The following PBX3 variants were observed in gnomAD, a reference collection of about 807,000 sequenced individuals.
PBX3 encodes PBX homeobox 3.
PBX3 carries 14 observed loss-of-function variants against 48.5 expected under a neutral mutation model. That is an observed-to-expected ratio of 0.29 (90% CI 0.19 to 0.45). The LOEUF (loss-of-function observed/expected upper bound fraction) is 0.45. PBX3 is among the 20% of genes least tolerant of loss of function. The probability of loss-of-function intolerance (pLI) is 1.00; values close to 1 mark genes in which losing one functional copy is unlikely to be tolerated. For missense variants in PBX3, 386 were observed against 546.7 expected (o/e 0.71, Z 2.93); for synonymous variants, 210 against 200.3 (o/e 1.05, Z -0.41).
chr9:125,840,660 G>T (rs1368027070), intron 2 of PBX3, among the ~76,000 whole-genome samples: 2 of 151,616 alleles, frequency 1.3e-5, no homozygotes, highest in Non-Finnish European at 1.5e-5. Flanking sequence ...TCTATATCAA[G>T]AAAATTTTTA....
intron 2 of PBX3, among the ~76,000 whole-genome samples, chr9:125,902,268 T>A (rs1245278673): frequency 6.6e-6 from 1 of 151,708 alleles, no homozygotes; most frequent in African/African-American, 2.4e-5. Context: ...AAATGTATGA[T>A]TAGAGCATTG....
intron 2 of PBX3, among the ~76,000 whole-genome samples, chr9:125,836,940 A>T (rs1308316026): frequency 6.6e-6 from 1 of 152,220 alleles, no homozygotes; most frequent in African/African-American, 2.4e-5. Flanking sequence ...GGGAACATAA[A>T]TTGGTACAAC....
chr9:125,885,705 T>C (rs1375693104), intron 2 of PBX3, among the ~76,000 whole-genome samples: 2 of 152,070 alleles, frequency 1.3e-5, no homozygotes, highest in Non-Finnish European at 1.5e-5. Flanking sequence ...TTTAGGATAA[T>C]GAGGATTTAT....
intron 5 of PBX3, among the ~76,000 whole-genome samples, chr9:125,956,356 G>C (rs1027016112): frequency 6.6e-6 from 1 of 152,204 alleles, no homozygotes; most frequent in African/African-American, 2.4e-5. Flanking sequence ...AGATTCTAAG[G>C]AGATAATGAG....
chr9:125,917,907 C>T (rs539035359), intron 3 of PBX3, among the ~76,000 whole-genome samples: 17 of 152,096 alleles, frequency 1.1e-4, no homozygotes, highest in African/African-American at 4.1e-4. Context: ...GAAAAATTAT[C>T]GTGTGTATGT....
intron 2 of PBX3, among the ~76,000 whole-genome samples, chr9:125,790,676 C>G (rs972900742): frequency 2.6e-5 from 4 of 152,090 alleles, no homozygotes; most frequent in Non-Finnish European, 5.9e-5. Flanking sequence ...TCCAGTGATT[C>G]TTTTGCTTCA....
At chr9:125,809,172 A>C (rs919992349) in intron 2 of PBX3, among the ~76,000 whole-genome samples, 2 of 152,252 alleles carry the variant, frequency 1.3e-5, no homozygotes, top group African/African-American at 2.4e-5. Context: ...ATTTTGTTCA[A>C]CTTCAGCTGG....
intron 2 of PBX3, among the ~76,000 whole-genome samples, chr9:125,894,168 T>A (rs901349278): frequency 7.9e-5 from 12 of 152,188 alleles, no homozygotes; most frequent in African/African-American, 2.9e-4. Context: ...CCCTGCATGA[T>A]TGGATATCCT....
At chr9:125,830,119 T>C (rs546150434) in intron 2 of PBX3, among the ~76,000 whole-genome samples, 1 of 152,228 alleles carries the variant, frequency 6.6e-6, no homozygotes, top group Non-Finnish European at 1.5e-5. Context: ...GAGTTCAGTA[T>C]AATTTTTTAT....
Position 125,962,139 on chromosome 9 carries a change from C to T in PBX3, c.1047C>T (p.Asp349=). ...SGSFNLPNSG[D]MFMNMQSLNG... Reference sequence around the variant, plus strand: ...CTTTTAACCTCCCAAATTCTGGGGACATGTTCATGAACATGCAGAGTCTGA... The same window carrying T: ...CTTTTAACCTCCCAAATTCTGGGGATATGTTCATGAACATGCAGAGTCTGA... Residue 349 remains aspartate, a synonymous_variant, in exon 7 of 9, where the codon GAC becomes GAT. Transcript: ENST00000373489. 6.2e-7 allele frequency: 1 copy of T among 1,612,544 alleles called. No homozygotes were observed. Among genetic ancestry groups the T allele is most frequent in the Non-Finnish European group, 8.5e-7 (1 of 1,178,686 alleles).
chr9:125,961,335 G>C (rs1842426537), intron 6 of PBX3, among the ~76,000 whole-genome samples: 1 of 152,228 alleles, frequency 6.6e-6, no homozygotes, highest in Non-Finnish European at 1.5e-5. Flanking sequence ...CTGACGGCAT[G>C]CTCAGCAGGT....
At chr9:125,756,683 G>T (rs1184363769) in intron 2 of PBX3, among the ~76,000 whole-genome samples, 1 of 152,174 alleles carries the variant, frequency 6.6e-6, no homozygotes, top group Non-Finnish European at 1.5e-5. Context: ...ATACTACCAA[G>T]GCAGGCATCT....
chr9:125,886,543 C>T (rs951997022), intron 2 of PBX3, among the ~76,000 whole-genome samples: 5 of 152,050 alleles, frequency 3.3e-5, no homozygotes, highest in African/African-American at 4.8e-5. Context: ...GGGAATTCAA[C>T]GGGTAAATTA....
At chr9:125,937,344 A>G (rs764471480) in intron 5 of PBX3, among the ~76,000 whole-genome samples, 18 of 152,118 alleles carry the variant, frequency 1.2e-4, no homozygotes, top group Non-Finnish European at 2.6e-4. Context: ...GAACCCACTT[A>G]CCAGTGTGTT....
chr9:125,821,981 T>C (rs1236591749), intron 2 of PBX3, among the ~76,000 whole-genome samples: 1 of 151,966 alleles, frequency 6.6e-6, no homozygotes, highest in Non-Finnish European at 1.5e-5. Context: ...TGGTGTAATA[T>C]ATTTTAATTA....
chr9:125,865,938 C>T (rs79061430), intron 2 of PBX3, among the ~76,000 whole-genome samples: 5,603 of 151,084 alleles, frequency 0.037, 362 homozygotes, highest in African/African-American at 0.13. Flanking sequence ...TACCTGCTTG[C>T]GTGCCTTCCC....
In PBX3 at chr9:125,935,641, T is replaced by C. The variant is rs537285506; in HGVS notation, c.843+34T>C. 24 of 1,577,796 alleles carry C rather than the reference T, an allele frequency of 1.5e-5. No individual in the cohort carries two copies. The East Asian group carries it at 1.6e-4, about 10-fold the overall frequency. On this transcript the variant is annotated intron_variant, in intron 5 of 8. Coordinates refer to ENST00000373489, the MANE Select transcript of PBX3 (RefSeq NM_006195.6). ...GGACCCATGGGTCTGTCTTGTTCCCTGTGGAGACAGGAACCTCATTCCTTC... is the reference window on the plus strand; with the variant it reads ...GGACCCATGGGTCTGTCTTGTTCCCCGTGGAGACAGGAACCTCATTCCTTC...
At chr9:125,836,372 G>A (rs1297508467) in intron 2 of PBX3, among the ~76,000 whole-genome samples, 1 of 152,154 alleles carries the variant, frequency 6.6e-6, no homozygotes, top group Non-Finnish European at 1.5e-5. Flanking sequence ...ATGAACCCGG[G>A]AAGCGGAGCT....
At chr9:125,843,704 T>A in intron 2 of PBX3, 1 of 414,700 alleles carries the variant, frequency 2.4e-6, no homozygotes, top group Admixed American at 2.6e-5. Flanking sequence ...CCGTCTCTGT[T>A]ATGCTTTTAG....
Sources: gnomAD v4.1 joint callset for allele counts (sites outside exome capture counted in the v4.1 genomes callset) on GRCh38, gnomAD v4.1.1 for gene constraint, MANE v1.5 for transcripts, NCBI Gene and HGNC (gene_info 2026-07-23, HGNC 2026-07-21) for gene names.